CHST11: variants seen among roughly 807,000 people sequenced by gnomAD.
CHST11 encodes C4S-1.
A neutral mutation model predicts 30.4 loss-of-function variants in CHST11; 9 were observed. The ratio of observed to expected loss-of-function variants is 0.30; its 90% CI spans 0.18 to 0.52. CHST11 has a LOEUF of 0.52. Ranked by LOEUF, CHST11 falls within the 20% of genes least tolerant of loss-of-function variation. The pLI is 0.97. For synonymous variants in CHST11, 152 were observed against 187.8 expected (o/e 0.81, Z 1.56); for missense variants, 348 against 460.6 (o/e 0.76, Z 2.24).
intron 2 of CHST11, among the ~76,000 whole-genome samples, chr12:104,625,253 C>T (rs2039201422): frequency 6.6e-6 from 1 of 152,174 alleles, no homozygotes; most frequent in African/African-American, 2.4e-5. Context: ...AACTTATGTC[C>T]TTCTGTGTTA....
intron 1 of CHST11, among the ~76,000 whole-genome samples, chr12:104,482,247 C>CGGT (rs2037631899): frequency 6.6e-6 from 1 of 151,418 alleles, no homozygotes; most frequent in African/African-American, 2.4e-5. Flanking sequence ...TTGCTGAAGA[C>CGGT]GGTGTGTCAT....
At chr12:104,565,441 A>G (rs940245521) in intron 1 of CHST11, among the ~76,000 whole-genome samples, 1 of 151,442 alleles carries the variant, frequency 6.6e-6, no homozygotes, top group African/African-American at 2.4e-5. Flanking sequence ...TAATTTCTGT[A>G]TTTTTAGTAG....
chr12:104,675,459 C>G (rs2039732327), intron 2 of CHST11, among the ~76,000 whole-genome samples: 1 of 152,136 alleles, frequency 6.6e-6, no homozygotes, highest in African/African-American at 2.4e-5. Context: ...TTTCTCTTAG[C>G]TATGTAATGT....
chr12:104,748,642 A>C (rs76598177), intron 2 of CHST11, among the ~76,000 whole-genome samples: 7,800 of 152,172 alleles, frequency 0.051, 328 homozygotes, highest in East Asian at 0.18. Flanking sequence ...GCACATCTAC[A>C]GGCCAAAGAG....
intron 2 of CHST11, among the ~76,000 whole-genome samples, chr12:104,632,568 T>C (rs917180355): frequency 6.6e-6 from 1 of 152,236 alleles, no homozygotes; most frequent in Non-Finnish European, 1.5e-5. Flanking sequence ...ATTGGCAAGC[T>C]GTCAGGGTTG....
chr12:104,748,977 G>A (rs1353630183), intron 2 of CHST11, among the ~76,000 whole-genome samples: 4 of 152,214 alleles, frequency 2.6e-5, no homozygotes, highest in East Asian at 3.8e-4. Flanking sequence ...AGAGAATGAC[G>A]CATGGTTGGA....
At chr12:104,663,706 G>C (rs919886800) in intron 2 of CHST11, among the ~76,000 whole-genome samples, 8 of 152,280 alleles carry the variant, frequency 5.3e-5, no homozygotes, top group African/African-American at 7.2e-5. Context: ...TGCCGTTGTA[G>C]AGAGCTGTGC....
chr12:104,659,398 C>T (rs2039576064), intron 2 of CHST11, among the ~76,000 whole-genome samples: 1 of 152,114 alleles, frequency 6.6e-6, no homozygotes. Flanking sequence ...CTAAGAGCTT[C>T]CGGGGATCTC....
intron 2 of CHST11, among the ~76,000 whole-genome samples, chr12:104,672,217 G>C (rs1041191186): frequency 2.0e-5 from 3 of 150,714 alleles, no homozygotes; most frequent in East Asian, 3.9e-4. Context: ...TGCACAGGGG[G>C]GTGGACCGTG....
At chr12:104,585,193 A>C (rs2038791154) in intron 1 of CHST11, among the ~76,000 whole-genome samples, 1 of 152,162 alleles carries the variant, frequency 6.6e-6, no homozygotes, top group Non-Finnish European at 1.5e-5. Flanking sequence ...TGGAGAAAAG[A>C]TGCTCACAGT....
At chr12:104,746,427 T>C (rs1050968797) in intron 2 of CHST11, among the ~76,000 whole-genome samples, 1 of 152,220 alleles carries the variant, frequency 6.6e-6, no homozygotes, top group Admixed American at 6.5e-5. Context: ...AAGGTTAAAA[T>C]GGAGCTCAGA....
chr12:104,747,591 G>T (rs1438352492), intron 2 of CHST11, among the ~76,000 whole-genome samples: 1 of 152,084 alleles, frequency 6.6e-6, no homozygotes, highest in African/African-American at 2.4e-5. Context: ...CTCATCAGGT[G>T]CTCCTCCCCC....
chr12:104,755,100 C>T (rs1237042937), intron 2 of CHST11, among the ~76,000 whole-genome samples: 1 of 152,206 alleles, frequency 6.6e-6, no homozygotes, highest in Non-Finnish European at 1.5e-5. Flanking sequence ...GCAAACTCAT[C>T]AGTGGCCCTA....
intron 1 of CHST11, among the ~76,000 whole-genome samples, chr12:104,520,736 C>A (rs1471325479): frequency 6.6e-6 from 1 of 152,164 alleles, no homozygotes; most frequent in African/African-American, 2.4e-5. Flanking sequence ...AGGCTCACAG[C>A]ATGGGAGCGG....
chr12:104,672,629 G>A (rs1481686932), intron 2 of CHST11, among the ~76,000 whole-genome samples: 1 of 152,216 alleles, frequency 6.6e-6, no homozygotes, highest in Non-Finnish European at 1.5e-5. Flanking sequence ...CTCGGGAGGA[G>A]TAACCTCCCA....
intron 1 of CHST11, among the ~76,000 whole-genome samples, chr12:104,466,106 C>T (rs945887181): frequency 9.9e-5 from 15 of 151,894 alleles, no homozygotes; most frequent in Non-Finnish European, 1.6e-4. Context: ...GTGATCTGCC[C>T]GCCACGGCCT....
chr12:104,653,429 C>G (rs2039512983), intron 2 of CHST11, among the ~76,000 whole-genome samples: 1 of 152,176 alleles, frequency 6.6e-6, no homozygotes, highest in African/African-American at 2.4e-5. Flanking sequence ...AGAGTTTACC[C>G]TTCTTTAACA....
At chr12:104,741,640 C>T (rs934121119) in intron 2 of CHST11, among the ~76,000 whole-genome samples, 3 of 152,172 alleles carry the variant, frequency 2.0e-5, no homozygotes, top group Non-Finnish European at 4.4e-5. Context: ...TCTAAGTTGC[C>T]GCCAATTGCC....
chr12:104,705,602 C>CG (rs1364694354), intron 2 of CHST11, among the ~76,000 whole-genome samples: 5 of 152,040 alleles, frequency 3.3e-5, no homozygotes, highest in Admixed American at 3.3e-4. Context: ...ATAGCAAGTC[C>CG]GGAAGGTAAG....
Sources: gnomAD v4.1 joint callset for allele counts (sites outside exome capture counted in the v4.1 genomes callset) on GRCh38, gnomAD v4.1.1 for gene constraint, MANE v1.5 for transcripts, NCBI Gene and HGNC (gene_info 2026-07-23, HGNC 2026-07-21) for gene names.